Variants in PTPRC observed in about 807,000 individuals in gnomAD.
The protein encoded by PTPRC is protein tyrosine phosphatase receptor type C.
Under a neutral mutation model 155.9 loss-of-function variants are expected in PTPRC, and 44 were observed. The observed-to-expected ratio is 0.28, with a 90% CI of 0.22 to 0.36. The LOEUF (loss-of-function observed/expected upper bound fraction) is 0.36. PTPRC is among the 10% of genes least tolerant of loss of function. The pLI, the probability that PTPRC is intolerant of heterozygous loss-of-function variation, is 1.00. For synonymous variants in PTPRC, 525 were observed against 533.1 expected, an observed-to-expected ratio of 0.98 and a Z score of 0.21; for missense variants, 1,401 against 1,564.6, an observed-to-expected ratio of 0.90 and a Z score of 1.76.
intron 7 of PTPRC, 136 bp from the exon 8 acceptor site, chr1:198,704,336 A>G: frequency 1.3e-6 from 2 of 1,481,806 alleles, no homozygotes; most frequent in Non-Finnish European, 1.8e-6. Context: ...TACTAGGCAA[A>G]TCCTTCATAT....
chr1:198,725,093 T>G (rs988338111), intron 15 of PTPRC, among the ~76,000 whole-genome samples: 3 of 152,182 alleles, frequency 2.0e-5, no homozygotes, highest in African/African-American at 7.2e-5. Flanking sequence ...TGATCCACTG[T>G]GCCTGGCCCT....
At chr1:198,698,329 A>C (rs1666304094) in intron 4 of PTPRC, among the ~76,000 whole-genome samples, 1 of 152,238 alleles carries the variant, frequency 6.6e-6, no homozygotes, top group Non-Finnish European at 1.5e-5. Flanking sequence ...TGTTGAAATT[A>C]CCTTGAAAAG....
chr1:198,723,948 G>A (rs919248291), intron 15 of PTPRC, among the ~76,000 whole-genome samples: 3 of 152,194 alleles, frequency 2.0e-5, no homozygotes, highest in Non-Finnish European at 2.9e-5. Flanking sequence ...GCTCAGTTAT[G>A]AGCGGGCACT....
intron 2 of PTPRC, among the ~76,000 whole-genome samples, chr1:198,653,386 T>C (rs1018891742): frequency 4.6e-5 from 7 of 151,864 alleles, no homozygotes; most frequent in African/African-American, 1.7e-4. Flanking sequence ...ACCACTACTA[T>C]GATTAGTTTC....
At position 198,735,195 on chromosome 1, in the gene PTPRC, G is replaced by C. The variant is rs771626124; in HGVS notation, c.2346G>C (p.Lys782Asn). ...GTRAFGDVVV[K>N]INQHKRCPDY... is the part of the protein sequence containing the mutation. ...GGGCTTTTGGAGATGTTGTTGTAAA[G>C]ATCAACCAGCACAAAAGATGTCCAG... Residue 782 changes from lysine (K) to asparagine (N), a missense_variant, in exon 23 of 33, where the codon AAG becomes AAC. This residue lies in a region of PTPRC where 867 missense variants were observed against 970.4 expected (regional missense o/e 0.89). Transcript: ENST00000442510. 1 of 1,604,678 alleles carries C rather than the reference G, an allele frequency of 6.2e-7. No homozygotes were observed. Among genetic ancestry groups the C allele is most frequent in the Admixed American group, 1.7e-5 (1 of 59,610 alleles).
At chr1:198,698,449 G>C (rs949098689) in intron 4 of PTPRC, among the ~76,000 whole-genome samples, 1 of 151,968 alleles carries the variant, frequency 6.6e-6, no homozygotes, top group Non-Finnish European at 1.5e-5. Flanking sequence ...TTTAATTTAT[G>C]ATTATGATTG....
intron 2 of PTPRC, chr1:198,680,108 C>A: frequency 2.4e-6 from 1 of 410,208 alleles, no homozygotes; most frequent in South Asian, 6.0e-5. Flanking sequence ...AGCGGCGACT[C>A]GGCAGCCTCT....
rs574858681 is a variant in PTPRC, at chr1:198,639,209, A to G, written c.-43-17A>G. On this transcript the variant is annotated splice_polypyrimidine_tract_variant and intron_variant, in intron 1 of 32. Coordinates refer to ENST00000442510, the MANE Select transcript of PTPRC (RefSeq NM_002838.5). ...GAGAAAAACTTCTACAGAGATAACA[A>G]TTATTTTGCTTTTCAGAAGGACGCA... is the stretch of plus-strand genomic sequence containing the variant. The G allele has an allele frequency of 7.2e-7, 1 of 1,390,846 alleles. No homozygotes were observed. The highest frequency in any genetic ancestry group is 1.7e-5 in the Admixed American group (1 of 59,572). 86.2% of individuals were successfully genotyped at this position (1,390,846 alleles called of 1,614,324 possible). A position where few individuals can be genotyped will look rare whatever the true frequency, so the allele number is the denominator to read the frequency against.
At chr1:198,702,329 G>A in intron 5 of PTPRC, 58 bp from the exon 6 acceptor site, 1 of 1,610,010 alleles carries the variant, frequency 6.2e-7, no homozygotes, top group Non-Finnish European at 8.5e-7. Flanking sequence ...TGGCTATCTG[G>A]CTATTGCCCT....
At chr1:198,696,316 C>A (rs189346396) in intron 3 of PTPRC, among the ~76,000 whole-genome samples, 6 of 151,818 alleles carry the variant, frequency 4.0e-5, no homozygotes, top group Non-Finnish European at 7.4e-5. Flanking sequence ...TCTTTATCTA[C>A]AACTTTTTAA....
At chr1:198,693,431 A>G (rs1163875928) in intron 3 of PTPRC, among the ~76,000 whole-genome samples, 1 of 152,176 alleles carries the variant, frequency 6.6e-6, no homozygotes, top group Non-Finnish European at 1.5e-5. Flanking sequence ...CAGAAGATAG[A>G]TTCATCTCAA....
In PTPRC at chr1:198,700,910, T is replaced by C. The variant is rs539399879; in HGVS notation, c.439+1206T>C. On this transcript the variant is annotated intron_variant, in intron 5 of 32. Coordinates refer to ENST00000442510, the MANE Select transcript of PTPRC (RefSeq NM_002838.5). ...GTAGGAAGTTTCGGGAGGTTGAGAGTGGAAGCCTCAAAACAGCTTGGGAGC... is the reference window on the plus strand; with the variant it reads ...GTAGGAAGTTTCGGGAGGTTGAGAGCGGAAGCCTCAAAACAGCTTGGGAGC... Among the ~76,000 whole-genome samples the C allele has an allele frequency of 1.1e-3, 164 of 151,682 alleles. 1 individual carries two copies. Among genetic ancestry groups the C allele is most frequent in the African/African-American group, 3.8e-3 (155 of 41,318 alleles).
intron 2 of PTPRC, among the ~76,000 whole-genome samples, chr1:198,644,955 T>C (rs1662857192): frequency 6.6e-6 from 1 of 151,814 alleles, no homozygotes; most frequent in Admixed American, 6.6e-5. Context: ...GTATTTATTA[T>C]AAAACTGTAA....
intron 26 of PTPRC, among the ~76,000 whole-genome samples, chr1:198,745,361 A>G (rs1356643891): frequency 6.6e-6 from 1 of 151,770 alleles, no homozygotes; most frequent in Non-Finnish European, 1.5e-5. Context: ...ACAGAAGATG[A>G]GAGTAGAAAT....
chr1:198,644,713 C>A (rs1249241118), intron 2 of PTPRC, among the ~76,000 whole-genome samples: 1 of 151,770 alleles, frequency 6.6e-6, no homozygotes, highest in Non-Finnish European at 1.5e-5. Flanking sequence ...AGTAAACAAG[C>A]ATCTTCTATA....
At chr1:198,739,486 G>C (rs1654801186) in intron 23 of PTPRC, among the ~76,000 whole-genome samples, 1 of 151,800 alleles carries the variant, frequency 6.6e-6, no homozygotes, top group African/African-American at 2.4e-5. Context: ...GACACCGATT[G>C]TCTCTACATA....
chr1:198,707,905 T>C (rs1653079925), intron 9 of PTPRC, among the ~76,000 whole-genome samples: 1 of 152,216 alleles, frequency 6.6e-6, no homozygotes, highest in Admixed American at 6.5e-5. Context: ...GTATAACTTA[T>C]AAATGAAACA....
chr1:198,703,698 G>A (rs1029771684), intron 7 of PTPRC: 19 of 385,428 alleles, frequency 4.9e-5, no homozygotes, highest in Middle Eastern at 7.9e-4. Flanking sequence ...CATTGCAAGT[G>A]GTGAGCATCA....
intron 4 of PTPRC, 24 bp from the exon 5 acceptor site, chr1:198,699,540 A>G: frequency 6.2e-7 from 1 of 1,614,068 alleles, no homozygotes; most frequent in Non-Finnish European, 8.5e-7. Flanking sequence ...AGACTGATGT[A>G]ATGATCTCAC....
Sources: gnomAD v4.1 joint callset for allele counts (sites outside exome capture counted in the v4.1 genomes callset) on GRCh38, gnomAD v4.1.1 for gene constraint, gnomAD v4.1.1 regional missense constraint, MANE v1.5 for transcripts, NCBI Gene and HGNC (gene_info 2026-07-23, HGNC 2026-07-21) for gene names.